CHD9: variants seen among roughly 807,000 people sequenced by gnomAD.
The protein encoded by CHD9 is ATP-dependent chromatin remodeler CHD9.
CHD9 carries 77 observed loss-of-function variants against 316.1 expected under a neutral mutation model. That is an observed-to-expected ratio of 0.24 (90% CI 0.20 to 0.29). The LOEUF (loss-of-function observed/expected upper bound fraction) is 0.29, where lower values mean the gene tolerates loss of function less well. CHD9 is among the 10% of genes least tolerant of loss of function. The pLI, the probability that CHD9 is intolerant of heterozygous loss-of-function variation, is 1.00. For missense variants in CHD9, 2,763 were observed against 3,438.1 expected, an observed-to-expected ratio of 0.80 and a Z score of 4.91; for synonymous variants, 1,129 against 1,158.3, an observed-to-expected ratio of 0.97 and a Z score of 0.51.
At chr16:53,081,765 ATT>A (rs34447637) in intron 1 of CHD9, among the ~76,000 whole-genome samples, 1 of 151,166 alleles carries the variant, frequency 6.6e-6, no homozygotes, top group Non-Finnish European at 1.5e-5. Flanking sequence ...TTAAAAAAAA[ATT>A]TTTTTTTGTA....
chr16:53,298,650 T>C (rs1419034930), intron 30 of CHD9: 1 of 152,228 alleles, frequency 6.6e-6, no homozygotes, highest in Non-Finnish European at 1.5e-5. Context: ...CAAGACCTTG[T>C]CCCTAAAATA....
intron 1 of CHD9, among the ~76,000 whole-genome samples, chr16:53,143,581 G>A (rs891329478): frequency 6.6e-6 from 1 of 151,854 alleles, no homozygotes; most frequent in Admixed American, 6.6e-5. Context: ...TAGAGACAGG[G>A]TTGCACCATG....
chr16:53,289,395 AAGAG>A (rs951956450), intron 27 of CHD9, among the ~76,000 whole-genome samples: 2 of 152,126 alleles, frequency 1.3e-5, no homozygotes, highest in African/African-American at 2.4e-5. Flanking sequence ...TCTCTAAAAA[AAGAG>A]AGAGAGAAAG....
At chr16:53,101,240 C>A (rs534961882) in intron 1 of CHD9, among the ~76,000 whole-genome samples, 1 of 146,366 alleles carries the variant, frequency 6.8e-6, no homozygotes, top group African/African-American at 2.5e-5. Flanking sequence ...TGGAATAAAT[C>A]TTTTTTACTC....
chr16:53,222,737 A>T lies in CHD9; in HGVS notation c.1878A>T (p.Leu626Phe). The change falls in exon 4 of 39, where the codon TTA becomes TTT. Residue 626 changes from leucine (L) to phenylalanine (F), a missense_variant. Leu to Phe is a conservative substitution (Grantham distance 22, BLOSUM62 0). This residue lies in a region of CHD9 where 859 missense variants were observed against 890.4 expected (regional missense o/e 0.96). Coordinates refer to ENST00000447540, the MANE Select transcript of CHD9 (RefSeq NM_001308319.2). ...SDAEQMPQHT[L>F]KDQDSQKRRS... ...CAGAACAGATGCCACAGCATACATT[A>T]AAAGATCAAGACTCTCAAGTGAGTA... 1 of 1,539,890 alleles carries T rather than the reference A, an allele frequency of 6.5e-7. No homozygotes were observed. The highest frequency in any genetic ancestry group is 1.4e-5 in the African/African-American group (1 of 73,420).
rs778369780 is a variant in CHD9, at chr16:53,273,719, A to G, written c.4811A>G (p.Lys1604Arg). 5.6e-6 allele frequency: 9 copies of G among 1,613,600 alleles called. No individual in the cohort carries two copies. In the Admixed American group the frequency reaches 1.5e-4, roughly 27 times the overall value. ...ATACAAAAAGCAGAATGGCTTCGAAAATATAATCCCGAGCAGCTCCTTCAA... is the reference window on the plus strand; with the variant it reads ...ATACAAAAAGCAGAATGGCTTCGAAGATATAATCCCGAGCAGCTCCTTCAA... ...FDIQKAEWLRKYNPEQLLQDE... is the reference protein window; with the variant it reads ...FDIQKAEWLRRYNPEQLLQDE... The change falls in exon 23 of 39, where the codon AAA becomes AGA. Residue 1604 changes from lysine to arginine, a missense_variant. By Grantham distance (26) the Lys-to-Arg change is conservative (BLOSUM62 2). Transcript: ENST00000447540.
In CHD9 at chr16:53,245,570, T is replaced by C. The variant is rs372049101; in HGVS notation, c.3199-25T>C. 1 of 1,540,330 alleles carries C rather than the reference T, an allele frequency of 6.5e-7. No individual in the cohort carries two copies. The highest frequency in any genetic ancestry group is 8.7e-7 in the Non-Finnish European group (1 of 1,148,338). ...TAATTAAATGCTCACTTATGTTATATGTCTTTTTATCATTTTTTATTCAGG... is the reference window on the plus strand; with the variant it reads ...TAATTAAATGCTCACTTATGTTATACGTCTTTTTATCATTTTTTATTCAGG... On this transcript the variant is annotated intron_variant, in intron 14 of 38. Transcript: ENST00000447540. The surrounding 1 kb of genome is among the most constrained non-coding windows in gnomAD (Gnocchi z 4.1).
chr16:53,176,059 T>A (rs1246643914), intron 2 of CHD9, among the ~76,000 whole-genome samples: 3 of 152,226 alleles, frequency 2.0e-5, no homozygotes, highest in African/African-American at 7.2e-5. Context: ...TATCACAAAC[T>A]TAGGTGTCTT....
At chr16:53,268,389 C>A (rs536687252) in intron 22 of CHD9, among the ~76,000 whole-genome samples, 1 of 152,222 alleles carries the variant, frequency 6.6e-6, no homozygotes, top group South Asian at 2.1e-4. Flanking sequence ...TCAGATAGAT[C>A]TATCTCATTT....
intron 4 of CHD9, among the ~76,000 whole-genome samples, 154 bp downstream of exon 4, chr16:53,222,909 G>C (rs1451119616): frequency 6.6e-6 from 1 of 152,098 alleles, no homozygotes; most frequent in African/African-American, 2.4e-5. Context: ...ATATGTCCTG[G>C]TAATATTACC....
chr16:53,124,350 A>T (rs1567346335), intron 1 of CHD9, among the ~76,000 whole-genome samples: 1 of 152,132 alleles, frequency 6.6e-6, no homozygotes, highest in Non-Finnish European at 1.5e-5. Context: ...GAGGCCTCAC[A>T]ATCATGGCAG....
intron 2 of CHD9, among the ~76,000 whole-genome samples, chr16:53,161,196 A>G (rs1436713778): frequency 6.6e-6 from 1 of 152,184 alleles, no homozygotes; most frequent in Non-Finnish European, 1.5e-5. Flanking sequence ...AAAAAGAGAG[A>G]TGGATTGGTA....
chr16:53,084,660 T>G (rs1164918430), intron 1 of CHD9, among the ~76,000 whole-genome samples: 1 of 152,166 alleles, frequency 6.6e-6, no homozygotes, highest in African/African-American at 2.4e-5. Context: ...GGAGAATGGC[T>G]TGAACCTGGG....
chr16:53,118,731 T>C (rs1352716986), intron 1 of CHD9, among the ~76,000 whole-genome samples: 2 of 151,786 alleles, frequency 1.3e-5, no homozygotes, highest in African/African-American at 2.4e-5. Context: ...ACGTTAGATA[T>C]CATAATGATG....
At chr16:53,206,669 A>G (rs188310219) in intron 2 of CHD9, among the ~76,000 whole-genome samples, 8 of 152,254 alleles carry the variant, frequency 5.3e-5, no homozygotes, top group Admixed American at 1.3e-4. Context: ...GTCAATATAT[A>G]GGAAATATTA....
chr16:53,254,528 G>T lies in CHD9; in HGVS notation c.3952G>T (p.Asp1318Tyr). The T allele has an allele frequency of 6.2e-7, 1 of 1,613,048 alleles. No homozygotes were observed. Among genetic ancestry groups the T allele is most frequent in the South Asian group, 1.1e-5 (1 of 90,808 alleles). Reference protein sequence around the residue: ...TRNSYEREMFDRASLKLGLDK... With the variant: ...TRNSYEREMFYRASLKLGLDK... ...TAACTCATATGAGAGAGAGATGTTT[G>T]ACCGAGCCAGTTTGAAACTGGGCCT... Residue 1318 changes from aspartate to tyrosine, a missense_variant, in exon 18 of 39, where the codon GAC becomes TAC. Asp to Tyr is a radical substitution (Grantham distance 160). Coordinates refer to ENST00000447540, the MANE Select transcript of CHD9 (RefSeq NM_001308319.2).
intron 1 of CHD9, among the ~76,000 whole-genome samples, chr16:53,059,033 G>A (rs1225639312): frequency 6.6e-6 from 1 of 152,072 alleles, no homozygotes; most frequent in Non-Finnish European, 1.5e-5. Flanking sequence ...TTTAAGTAGG[G>A]TCTTACTGTG....
At chr16:53,093,325 C>T (rs1324085670) in intron 1 of CHD9, among the ~76,000 whole-genome samples, 1 of 152,136 alleles carries the variant, frequency 6.6e-6, no homozygotes, top group African/African-American at 2.4e-5. Flanking sequence ...ACAATAGTAC[C>T]CCCATTTATT....
At chr16:53,209,360 A>T in intron 2 of CHD9, 122 bp from the exon 3 acceptor site, 1 of 674,406 alleles carries the variant, frequency 1.5e-6, no homozygotes, top group Non-Finnish European at 2.4e-6. Flanking sequence ...TGTTTGTAGC[A>T]CTCACATATT....
Sources: allele counts gnomAD v4.1 joint callset (sites outside exome capture counted in the v4.1 genomes callset), GRCh38; gene constraint gnomAD v4.1.1; regional missense constraint gnomAD v4.1.1; non-coding constraint Gnocchi (gnomAD v3.1); transcripts MANE v1.5; gene names NCBI Gene and HGNC (gene_info 2026-07-23, HGNC 2026-07-21).